The following NOTCH1 variants were observed in gnomAD, a reference collection of about 807,000 sequenced individuals.
The protein encoded by NOTCH1 is neurogenic locus notch homolog protein 1.
A neutral mutation model predicts 254.8 loss-of-function variants in NOTCH1; 37 were observed. The observed-to-expected ratio is 0.15, with a 90% confidence interval of 0.11 to 0.19. The LOEUF is 0.19. NOTCH1 is among the 10% of genes least tolerant of loss of function. The pLI is 1.00. For missense variants in NOTCH1, 2,972 were observed against 3,708.6 expected, an observed-to-expected ratio of 0.80 and a Z score of 5.16; for synonymous variants, 1,731 against 1,618.1, an observed-to-expected ratio of 1.07 and a Z score of -1.68.
intron 16 of NOTCH1, 133 bp from the exon 17 acceptor site, chr9:136,510,938 C>A: frequency 1.4e-6 from 2 of 1,405,788 alleles, no homozygotes; most frequent in East Asian, 2.4e-5. Context: ...ACCATCCCCT[C>A]TCCCCTAATT....
chr9:136,519,760 C>G (rs1843337544), intron 4 of NOTCH1, 195 bp from the exon 5 acceptor site: 2 of 726,632 alleles, frequency 2.8e-6, no homozygotes, highest in African/African-American at 3.5e-5. Flanking sequence ...TCATTTTGGA[C>G]AGGACTGGCT....
chr9:136,522,529 G>A (rs1448134005), intron 4 of NOTCH1: 1 of 368,016 alleles, frequency 2.7e-6, no homozygotes. Flanking sequence ...CCCACTGCAG[G>A]GGAAACCCTG....
Position 136,499,227 on chromosome 9 carries a change from A to G in NOTCH1, c.5967T>C (p.Asp1989=), listed in dbSNP as rs73668311. ...GCGTCGTGCCATCATGCATGCGGGC[A>G]TCCAGGTCTGTGGCTCGGTTCCGGA... is the stretch of plus-strand genomic sequence containing the variant. The part of the protein sequence containing the change: ...ILIRNRATDL[D]ARMHDGTTPL... The change falls in exon 32 of 34, where the codon GAT becomes GAC. Residue 1989 remains aspartate (D), a synonymous_variant. Coordinates refer to ENST00000651671, the MANE Select transcript of NOTCH1 (RefSeq NM_017617.5). The G allele has an allele frequency of 1.1e-4, 185 of 1,613,316 alleles. No individual in the cohort carries two copies. The African/African-American group carries it at 2.2e-3, about 19-fold the overall frequency.
intron 18 of NOTCH1, among the ~76,000 whole-genome samples, 192 bp downstream of exon 18, chr9:136,509,541 A>T (rs954630319): frequency 1.1e-4 from 16 of 152,226 alleles, no homozygotes; most frequent in African/African-American, 3.4e-4. Context: ...GGTGCGGGAC[A>T]CAGGAGGAGG....
intron 27 of NOTCH1, chr9:136,502,902 T>C (rs1420529028): frequency 6.1e-6 from 4 of 652,864 alleles, no homozygotes; most frequent in Non-Finnish European, 1.1e-5. Flanking sequence ...TTTGAAATAA[T>C]ACCCAACAAA....
At chr9:136,498,709 CGG>C (rs954174064) in intron 33 of NOTCH1, among the ~76,000 whole-genome samples, 188 bp downstream of exon 33, 2 of 152,200 alleles carry the variant, frequency 1.3e-5, no homozygotes, top group Non-Finnish European at 2.9e-5. Flanking sequence ...GCTCCATAAA[CGG>C]GGGCTGAAGG....
Position 136,545,611 on chromosome 9 carries a change from T to G in NOTCH1, c.61+115A>C, listed in dbSNP as rs1843803947. 1.2e-6 allele frequency: 1 copy of G among 807,900 alleles called. No individual in the cohort carries two copies. 50.0% of individuals were successfully genotyped at this position (807,900 alleles called of 1,614,324 possible). On this transcript the variant is annotated intron_variant, in intron 1 of 33. Coordinates refer to ENST00000651671, the MANE Select transcript of NOTCH1 (RefSeq NM_017617.5). The surrounding 1 kb of genome is among the most constrained non-coding windows in gnomAD (Gnocchi z 6.8). ...ACGCCCCGGGCCGCCCGCTTTTCCC[T>G]CTCCATGCTGGCCTCCCCGCCGCCC...
intron 13 of NOTCH1, among the ~76,000 whole-genome samples, chr9:136,514,271 G>A (rs1327121412): frequency 1.3e-5 from 2 of 152,246 alleles, no homozygotes; most frequent in African/African-American, 4.8e-5. Context: ...CTGTGGGCCT[G>A]TGTCCTGAGC....
Position 136,502,149 on chromosome 9 carries a change from C to T in NOTCH1, c.5385-61G>A, listed in dbSNP as rs929767860. ...AGCTCCCTAGGAAGCCCCCAGAGAC[C>T]CCTGGCCCGGGCCTGGCGTGGGAGG... On this transcript the variant is annotated intron_variant, in intron 28 of 33. Transcript: ENST00000651671. The T allele has an allele frequency of 1.3e-5, 21 of 1,605,108 alleles. No homozygotes were observed. The Admixed American group carries it at 3.2e-4, about 24-fold the overall frequency.
chr9:136,516,279 C>G (rs1427637082), intron 9 of NOTCH1, among the ~76,000 whole-genome samples, 185 bp from the exon 10 acceptor site: 1 of 152,246 alleles, frequency 6.6e-6, no homozygotes, highest in East Asian at 1.9e-4. Context: ...GCCCCTCCCC[C>G]AGCACCACAC....
At position 136,515,326 on chromosome 9, in the gene NOTCH1, C is replaced by A. The variant is rs368996332; in HGVS notation, c.1978G>T (p.Asp660Tyr). Residue 660 changes from aspartate (D) to tyrosine (Y), a missense_variant, in exon 12 of 34, where the codon GAT becomes TAT. Asp to Tyr is a radical substitution (Grantham distance 160). Coordinates refer to ENST00000651671, the MANE Select transcript of NOTCH1 (RefSeq NM_017617.5). ...CDSGTCLDKI[D>Y]GYECACEPGY... is the part of the protein sequence containing the mutation. ...GGCTCACAGGCACACTCGTAGCCAT[C>A]GATCTTGTCCAGACAGGTGCCCGAG... 1.2e-6 allele frequency: 2 copies of A among 1,613,028 alleles called. No homozygotes were observed. Among genetic ancestry groups the A allele is most frequent in the Admixed American group, 1.7e-5 (1 of 60,024 alleles).
At chr9:136,510,471 T>C (rs1311608002) in intron 17 of NOTCH1, 182 bp downstream of exon 17, 1 of 747,674 alleles carries the variant, frequency 1.3e-6, no homozygotes, top group Non-Finnish European at 2.2e-6. Context: ...AAGCCGGCTC[T>C]GGGGCCCTCC....
rs201360886 is a variant in NOTCH1 at position 136,504,934 on chromosome 9, C to T, written c.4757G>A (p.Arg1586His). The change falls in exon 26 of 34, where the codon CGC (arginine) becomes CAC (histidine). Residue 1586 changes from arginine to histidine, a missense_variant. Arg to His is a conservative substitution (Grantham distance 29). Coordinates refer to ENST00000651671, the MANE Select transcript of NOTCH1 (RefSeq NM_017617.5). ...VVVLMPPEQL[R>H]NSSFHFLREL... ...CCGCAGGAAGTGGAAGGAGCTGTTG[C>T]GCAGCTGCTCCGGCGGCATCAGCAC... 3.1e-6 allele frequency: 5 copies of T among 1,587,388 alleles called. No individual in the cohort carries two copies. The highest frequency in any genetic ancestry group is 2.3e-5 in the East Asian group (1 of 43,608).
At position 136,506,564 on chromosome 9, in the gene NOTCH1, G is replaced by A. The variant is rs1174974632; in HGVS notation, c.3977C>T (p.Ser1326Phe). 5 of 1,610,204 alleles carry A rather than the reference G, an allele frequency of 3.1e-6. No individual in the cohort carries two copies. ...GCAGATGAACCCGCGGGCGGTGTTG[G>A]AGGCCACGGCGCAGGTGCCCCCATT... Reference protein sequence around the residue: ...CKNGGTCAVASNTARGFICKC... With the variant: ...CKNGGTCAVAFNTARGFICKC... Residue 1326 changes from serine to phenylalanine, a missense_variant, in exon 24 of 34, where the codon TCC (serine) becomes TTC (phenylalanine). This residue lies in a region of NOTCH1 where 1,343 missense variants were observed against 1,557.0 expected (regional missense o/e 0.86). Coordinates refer to ENST00000651671, the MANE Select transcript of NOTCH1 (RefSeq NM_017617.5). The surrounding 1 kb of genome is among the most constrained non-coding windows in gnomAD (Gnocchi z 4.5).
Position 136,515,494 on chromosome 9 carries a change from T to G in NOTCH1, c.1892A>C (p.Lys631Thr), listed in dbSNP as rs1286621388. The change falls in exon 11 of 34, where the codon AAG becomes ACG. Residue 631 changes from lysine to threonine, a missense_variant. Lys to Thr is a moderately conservative substitution (Grantham distance 78, BLOSUM62 -1). Coordinates refer to ENST00000651671, the MANE Select transcript of NOTCH1 (RefSeq NM_017617.5). ...GCCTGGCCGGCCACCTGTGGTCCCCTTCAGGCAGAAGCAGAGGTAGGCGTT... is the reference window on the plus strand; with the variant it reads ...GCCTGGCCGGCCACCTGTGGTCCCCGTCAGGCAGAAGCAGAGGTAGGCGTT... ...RDNAYLCFCL[K>T]GTTGPNCEIN... The G allele has an allele frequency of 2.5e-6, 4 of 1,611,926 alleles. No homozygotes were observed. In the South Asian group the frequency reaches 4.4e-5, roughly 18 times the overall value.
chr9:136,510,042 TGGG>T, intron 17 of NOTCH1, 81 bp from the exon 18 acceptor site: 1 of 1,356,450 alleles, frequency 7.4e-7, no homozygotes, highest in Non-Finnish European at 1.0e-6. Context: ...GCTGCATGGC[TGGG>T]GACAGCCCAG....
rs1210433233 is a variant in NOTCH1 at position 136,511,341 on chromosome 9, G to A, written c.2468-70C>T. ...GGATCTCCCAAATCGGCCACCGCCTGCTGGTCTTTCCGCCATCAGAGTGCC... is the reference window on the plus strand; with the variant it reads ...GGATCTCCCAAATCGGCCACCGCCTACTGGTCTTTCCGCCATCAGAGTGCC... On this transcript the variant is annotated intron_variant, in intron 15 of 33. Transcript: ENST00000651671. 3 of 1,530,796 alleles carry A rather than the reference G, an allele frequency of 2.0e-6. No individual in the cohort carries two copies. The African/African-American group carries it at 4.1e-5, about 21-fold the overall frequency. 94.8% of individuals were successfully genotyped at this position (1,530,796 alleles called of 1,614,324 possible).
At chr9:136,542,204 A>G (rs1405986776) in intron 2 of NOTCH1, among the ~76,000 whole-genome samples, 1 of 152,024 alleles carries the variant, frequency 6.6e-6, no homozygotes, top group Non-Finnish European at 1.5e-5. Flanking sequence ...GGCTGTGCCT[A>G]CTCCCTGGTG....
Position 136,494,626 on chromosome 9 carries a change from C to A in NOTCH1, c.*1445G>T. ...CTGGTCATGCCCCCTGGGGATGGCA[C>A]CACGCGGCCCCCGTAGAGCCGGGGG... On this transcript the variant is annotated 3_prime_UTR_variant, in exon 34 of 34. Transcript: ENST00000651671. 2 of 398,958 alleles carry A rather than the reference C, an allele frequency of 5.0e-6. No homozygotes were observed. The highest frequency in any genetic ancestry group is 8.8e-6 in the Non-Finnish European group (2 of 226,070). 24.7% of individuals were successfully genotyped at this position (398,958 alleles called of 1,614,324 possible).
Sources: allele counts gnomAD v4.1 joint callset (sites outside exome capture counted in the v4.1 genomes callset), GRCh38; gene constraint gnomAD v4.1.1; regional missense constraint gnomAD v4.1.1; non-coding constraint Gnocchi (gnomAD v3.1); transcripts MANE v1.5; gene names NCBI Gene and HGNC (gene_info 2026-07-23, HGNC 2026-07-21).